Variants in SLC11A2 observed in about 807,000 individuals in gnomAD.
SLC11A2 encodes the protein natural resistance-associated macrophage protein 2.
SLC11A2 carries 38 observed loss-of-function variants against 68.0 expected under a neutral mutation model. That is an observed-to-expected ratio of 0.56 (90% CI 0.43 to 0.73). The LOEUF (loss-of-function observed/expected upper bound fraction) is 0.73. Among genes scored for constraint, SLC11A2 ranks in the 30% least tolerant of loss-of-function variants. The pLI is 0.00. For missense variants in SLC11A2, 517 were observed against 690.5 expected (o/e 0.75, Z 2.82); for synonymous variants, 242 against 250.6 (o/e 0.97, Z 0.32).
At chr12:50,978,409 G>A (rs1272664340), downstream of SLC11A2, among the ~76,000 whole-genome samples, 3 of 146,988 alleles carry the variant, frequency 2.0e-5, no homozygotes, top group Non-Finnish European at 4.5e-5. Context: ...ACCAAACGTC[G>A]CATGTTCTCA....
chr12:50,982,741 C>T (rs1940151797), downstream of SLC11A2, among the ~76,000 whole-genome samples: 1 of 152,024 alleles, frequency 6.6e-6, no homozygotes, highest in Non-Finnish European at 1.5e-5. Flanking sequence ...GTCAGAAGTT[C>T]AAGACCAGCC....
downstream of SLC11A2, among the ~76,000 whole-genome samples, chr12:50,983,494 G>A (rs1410164370): frequency 6.6e-6 from 1 of 152,070 alleles, no homozygotes; most frequent in African/African-American, 2.4e-5. Flanking sequence ...ATATACTTTT[G>A]GAGCCTTATT....
chr12:50,963,535 T>C, the SLC11A2 span, among the ~76,000 whole-genome samples: 2 of 151,978 alleles, frequency 1.3e-5, no homozygotes, highest in African/African-American at 4.8e-5. Context: ...AGGTGAAATA[T>C]AGAAAATGCC....
At chr12:51,026,519 A>T (rs761852466), upstream of SLC11A2, 3 of 436,754 alleles carry the variant, frequency 6.9e-6, no homozygotes, top group Admixed American at 4.1e-5. Context: ...CGGAGTCTGG[A>T]TGCGGCGGCC....
chr12:51,020,620 T>C (rs1943977174), intron 1 of SLC11A2, among the ~76,000 whole-genome samples: 1 of 152,200 alleles, frequency 6.6e-6, no homozygotes, highest in Non-Finnish European at 1.5e-5. Flanking sequence ...TCTGGCATAA[T>C]GGCCACTGAG....
chr12:50,983,016 T>C (rs987996092), downstream of SLC11A2, among the ~76,000 whole-genome samples: 2 of 151,522 alleles, frequency 1.3e-5, no homozygotes, highest in South Asian at 4.2e-4. Flanking sequence ...TGTTGGGACC[T>C]GTGAAGTTGT....
the SLC11A2 span, among the ~76,000 whole-genome samples, chr12:50,962,411 A>C: frequency 6.7e-6 from 1 of 150,208 alleles, no homozygotes; most frequent in East Asian, 1.9e-4. Flanking sequence ...AACTCCATCT[A>C]AAAAAAAGCC....
At chr12:51,004,753 T>A (rs746307833) in intron 5 of SLC11A2, 35 bp downstream of exon 5, 1 of 1,611,250 alleles carries the variant, frequency 6.2e-7, no homozygotes, top group Non-Finnish European at 8.5e-7. Flanking sequence ...TCCTATGGCA[T>A]GGGTGAGAGA....
At chr12:50,983,068 C>T (rs1337572847), downstream of SLC11A2, among the ~76,000 whole-genome samples, 1 of 151,652 alleles carries the variant, frequency 6.6e-6, no homozygotes, top group Non-Finnish European at 1.5e-5. Context: ...GTCACTCACG[C>T]TGGAGTGCCA....
At chr12:50,960,484 A>G in the SLC11A2 span, among the ~76,000 whole-genome samples, 2 of 152,218 alleles carry the variant, frequency 1.3e-5, no homozygotes, top group South Asian at 4.1e-4. Context: ...TTCTGGGAAG[A>G]GTCAAAACTG....
chr12:50,982,978 T>C, downstream of SLC11A2, among the ~76,000 whole-genome samples: 1 of 147,624 alleles, frequency 6.8e-6, no homozygotes. Context: ...CAGACTCCAC[T>C]CCTAAAGAAC....
chr12:51,014,131 T>G (rs1448684731), intron 1 of SLC11A2: 1 of 152,294 alleles, frequency 6.6e-6, no homozygotes, highest in Admixed American at 6.5e-5. Flanking sequence ...CAAAAATTTT[T>G]CTTTTAATAT....
In SLC11A2 at chr12:50,988,164, T is replaced by C. The variant is rs1035488223; in HGVS notation, c.*161A>G. The C allele has an allele frequency of 6.5e-7, 1 of 1,528,654 alleles. No homozygotes were observed. Among genetic ancestry groups the C allele is most frequent in the Non-Finnish European group, 8.8e-7 (1 of 1,139,666 alleles). The allele number at this position is 1,528,654 out of a possible 1,614,324, so 94.7% of individuals were successfully genotyped here. ...GTTAGGTCAGGAAGGAAAAAATAAT[T>C]CCATCTTTCAAATACACATGAAACA... On this transcript the variant is annotated 3_prime_UTR_variant, in exon 16 of 16. Coordinates refer to ENST00000262052, the MANE Select transcript of SLC11A2 (RefSeq NM_000617.3).
chr12:51,018,319 G>C (rs1281490851), intron 1 of SLC11A2, among the ~76,000 whole-genome samples: 1 of 151,970 alleles, frequency 6.6e-6, no homozygotes, highest in Non-Finnish European at 1.5e-5. Flanking sequence ...GCTTGAACCT[G>C]GGAAGTGGAG....
intron 1 of SLC11A2, among the ~76,000 whole-genome samples, chr12:51,014,885 G>T (rs555106852): frequency 6.6e-6 from 1 of 151,682 alleles, no homozygotes; most frequent in Admixed American, 6.6e-5. Flanking sequence ...AAGAGGTCAG[G>T]CGTGGTGGCT....
intron 1 of SLC11A2, among the ~76,000 whole-genome samples, chr12:51,018,061 A>G (rs1347286484): frequency 6.6e-6 from 1 of 152,220 alleles, no homozygotes; most frequent in African/African-American, 2.4e-5. Context: ...CATTTATAAG[A>G]ACTCTGGAAG....
At chr12:51,008,250 AT>A (rs369340221) in intron 3 of SLC11A2, 203,115 of 350,262 alleles carry the variant, frequency 0.58, 60,577 homozygotes, top group Non-Finnish European at 0.68. Context: ...AGATAGATAG[AT>A]AGATAGATAG....
Position 50,987,909 on chromosome 12 carries a change from AC to A in SLC11A2, c.*415del. 1 of 1,274,430 alleles carries A rather than the reference AC, an allele frequency of 7.8e-7. No homozygotes were observed. Among genetic ancestry groups the A allele is most frequent in the Non-Finnish European group, 1.0e-6 (1 of 981,590 alleles). 78.9% of individuals were successfully genotyped at this position (1,274,430 alleles called of 1,614,324 possible). A position where few individuals can be genotyped will look rare whatever the true frequency, so the allele number is the denominator to read the frequency against. On this transcript the variant is annotated 3_prime_UTR_variant, in exon 16 of 16. Coordinates refer to ENST00000262052, the MANE Select transcript of SLC11A2 (RefSeq NM_000617.3). ...ATTTCTCAGCCTTTAAAAATCCATTACATTTTGATAAATAAAACTTGCATAC... is the reference window on the plus strand; with the variant it reads ...ATTTCTCAGCCTTTAAAAATCCATTAATTTTGATAAATAAAACTTGCATAC...
the SLC11A2 span, among the ~76,000 whole-genome samples, chr12:50,964,292 C>A: frequency 6.6e-6 from 1 of 152,140 alleles, no homozygotes; most frequent in Non-Finnish European, 1.5e-5. Context: ...ATTTCATATC[C>A]CCTTTGCTTT....
Sources: allele counts gnomAD v4.1 joint callset (sites outside exome capture counted in the v4.1 genomes callset), GRCh38; gene constraint gnomAD v4.1.1; transcripts MANE v1.5; gene names NCBI Gene and HGNC (gene_info 2026-07-23, HGNC 2026-07-21).